UGT1A8: variants seen among roughly 807,000 people sequenced by gnomAD.
UGT1A8 encodes the protein UDP glucuronosyltransferase family 1 member A8.
Under a neutral mutation model 45.3 loss-of-function variants are expected in UGT1A8, and 39 were observed. That is an observed-to-expected ratio of 0.86 (90% confidence interval 0.67 to 1.12). UGT1A8 has a LOEUF of 1.12. UGT1A8 is among the 50% of genes most tolerant of loss of function. The pLI, the probability that UGT1A8 is intolerant of heterozygous loss-of-function variation, is 0.00. For synonymous variants in UGT1A8, 275 were observed against 249.2 expected, an observed-to-expected ratio of 1.10 and a Z score of -0.97; for missense variants, 719 against 664.9, an observed-to-expected ratio of 1.08 and a Z score of -0.90.
chr2:233,669,087 T>A (rs2074131998), intron 1 of UGT1A8, among the ~76,000 whole-genome samples: 2 of 152,246 alleles, frequency 1.3e-5, no homozygotes, highest in South Asian at 4.1e-4. Flanking sequence ...TACCCAACTG[T>A]TGAAGAGTCA....
Position 233,750,958 on chromosome 2 carries a change from G to T in UGT1A8, c.856-16076G>T, listed in dbSNP as rs922419338. 9.9e-5 allele frequency among the ~76,000 whole-genome samples: 15 copies of T among 151,802 alleles called. 1 individual carries two copies. The highest frequency in any genetic ancestry group is 3.6e-4 in the African/African-American group (15 of 41,098). On this transcript the variant is annotated intron_variant, in intron 1 of 4. Transcript: ENST00000373450. ...GAGCCCCCACACAGAGTCTCCACTG[G>T]GGCACTGCCTAGTGGAGTTGTGAGA...
At chr2:233,768,114 G>T in intron 3 of UGT1A8, 106 bp from the exon 4 acceptor site, 2 of 1,597,766 alleles carry the variant, frequency 1.3e-6, no homozygotes. Flanking sequence ...TTCTGCAAGG[G>T]CATGTGAGTA....
chr2:233,672,612 T>C (rs1208822826), intron 1 of UGT1A8: 2 of 1,613,918 alleles, frequency 1.2e-6, no homozygotes, highest in East Asian at 4.5e-5. Flanking sequence ...TTTTCAAAAA[T>C]GCCCTAGAAA....
At chr2:233,661,956 G>T (rs1490708488) in intron 1 of UGT1A8, among the ~76,000 whole-genome samples, 1 of 151,980 alleles carries the variant, frequency 6.6e-6, no homozygotes, top group Non-Finnish European at 1.5e-5. Context: ...TTACTGGAGG[G>T]ATGAACTGTA....
chr2:233,727,816 A>G (rs759645481), intron 1 of UGT1A8, among the ~76,000 whole-genome samples: 3 of 152,170 alleles, frequency 2.0e-5, no homozygotes, highest in Non-Finnish European at 4.4e-5. Context: ...GTTCTGTCCA[A>G]AGGTGGAATC....
chr2:233,676,121 C>G (rs553203666), intron 1 of UGT1A8, among the ~76,000 whole-genome samples: 3 of 152,128 alleles, frequency 2.0e-5, no homozygotes, highest in African/African-American at 7.2e-5. Flanking sequence ...ACAGAAGACC[C>G]ACCCTGGGGT....
intron 1 of UGT1A8, among the ~76,000 whole-genome samples, chr2:233,723,552 T>G (rs1350574557): frequency 7.9e-6 from 1 of 126,806 alleles, no homozygotes; most frequent in Non-Finnish European, 1.6e-5. Flanking sequence ...ATTTTTTTAT[T>G]GATAATTCTT....
chr2:233,636,578 C>A (rs149577515), intron 1 of UGT1A8: 4 of 1,614,162 alleles, frequency 2.5e-6, no homozygotes, highest in Non-Finnish European at 3.4e-6. Flanking sequence ...CTACTGCTGA[C>A]CTGTGGCTTT....
chr2:233,771,328 C>G (rs11888492), intron 4 of UGT1A8: 27,690 of 151,958 alleles, frequency 0.18, 3,662 homozygotes, highest in African/African-American at 0.37. Flanking sequence ...CTTCAATCTC[C>G]TCTTCATTCC....
At chr2:233,677,677 A>G (rs1343811731) in intron 1 of UGT1A8, among the ~76,000 whole-genome samples, 1 of 152,156 alleles carries the variant, frequency 6.6e-6, no homozygotes, top group Non-Finnish European at 1.5e-5. Flanking sequence ...TCAAGAAATA[A>G]TAGATGCTGG....
At chr2:233,666,296 C>A (rs1402966002) in intron 1 of UGT1A8, among the ~76,000 whole-genome samples, 2 of 152,198 alleles carry the variant, frequency 1.3e-5, no homozygotes, top group Non-Finnish European at 2.9e-5. Context: ...GCCCCACTTT[C>A]AACATTAGAG....
Position 233,672,119 on chromosome 2 carries a change from T to C in UGT1A8, c.855+53557T>C, listed in dbSNP as rs752186883. On this transcript the variant is annotated intron_variant, in intron 1 of 4. Coordinates refer to ENST00000373450, the MANE Select transcript of UGT1A8 (RefSeq NM_019076.5). ...GAGGTGGTTGTAGTCATGCCAGAGGTGAGTTGGCAACTGGGAAGATCACTG... is the reference window on the plus strand; with the variant it reads ...GAGGTGGTTGTAGTCATGCCAGAGGCGAGTTGGCAACTGGGAAGATCACTG... 26 of 1,614,012 alleles carry C rather than the reference T, an allele frequency of 1.6e-5. No individual in the cohort carries two copies. In the South Asian group the frequency reaches 2.4e-4, roughly 15 times the overall value.
intron 1 of UGT1A8, among the ~76,000 whole-genome samples, chr2:233,655,020 T>C (rs1343483668): frequency 6.6e-6 from 1 of 151,894 alleles, no homozygotes; most frequent in African/African-American, 2.4e-5. Flanking sequence ...ACCTGGAAGA[T>C]GGAGGTTGCA....
Position 233,645,310 on chromosome 2 carries a change from A to G in UGT1A8, c.855+26748A>G, listed in dbSNP as rs554916233. Among the ~76,000 whole-genome samples, 16 of 152,270 alleles carry G rather than the reference A, an allele frequency of 1.1e-4. No individual in the cohort carries two copies. In the East Asian group the frequency reaches 3.1e-3, roughly 29 times the overall value. ...TGTGGGAGTTACAATTCAAGATGAG[A>G]TTTAGGTGGGGACACAGCCAAACCA... On this transcript the variant is annotated intron_variant, in intron 1 of 4. Transcript: ENST00000373450.
chr2:233,681,194 C>T (rs968368411), intron 1 of UGT1A8, among the ~76,000 whole-genome samples: 3 of 151,954 alleles, frequency 2.0e-5, no homozygotes. Context: ...TTCCGTCGAA[C>T]ATGAGATGCC....
At chr2:233,642,632 T>C (rs1232722206) in intron 1 of UGT1A8, among the ~76,000 whole-genome samples, 2 of 152,196 alleles carry the variant, frequency 1.3e-5, no homozygotes, top group Non-Finnish European at 2.9e-5. Context: ...TAGTCTTCAT[T>C]GTCTGGGCTT....
intron 1 of UGT1A8, chr2:233,750,662 C>T (rs1387659754): frequency 7.0e-6 from 1 of 143,446 alleles, no homozygotes; most frequent in Non-Finnish European, 1.5e-5. Context: ...ACTTGGTGCC[C>T]TGTGTCCCAG....
intron 1 of UGT1A8, among the ~76,000 whole-genome samples, chr2:233,653,221 G>T (rs1163570284): frequency 6.6e-6 from 1 of 152,148 alleles, no homozygotes; most frequent in Admixed American, 6.5e-5. Flanking sequence ...ATCTGTTTAC[G>T]TTTTAAAAGG....
chr2:233,650,221 C>T (rs764349798), intron 1 of UGT1A8, among the ~76,000 whole-genome samples: 96 of 152,270 alleles, frequency 6.3e-4, no homozygotes, highest in African/African-American at 1.9e-3. Context: ...CTGCCTGCCT[C>T]GGCCTCCCAA....
Sources: allele counts gnomAD v4.1 joint callset (sites outside exome capture counted in the v4.1 genomes callset), GRCh38; gene constraint gnomAD v4.1.1; transcripts MANE v1.5; gene names NCBI Gene and HGNC (gene_info 2026-07-23, HGNC 2026-07-21).